Variants in FUS observed in about 807,000 individuals in gnomAD.
The protein encoded by FUS is RNA-binding protein FUS.
A neutral mutation model predicts 82.7 loss-of-function variants in FUS; 5 were observed. The ratio of observed to expected loss-of-function variants is 0.06; its 90% CI spans 0.03 to 0.13. The LOEUF (loss-of-function observed/expected upper bound fraction) is 0.13, where lower values mean the gene tolerates loss of function less well. FUS is among the 10% of genes least tolerant of loss of function. The probability of loss-of-function intolerance (pLI) is 1.00; values close to 1 mark genes in which losing one functional copy is unlikely to be tolerated. For synonymous variants in FUS, 281 were observed against 247.4 expected (o/e 1.14, Z -1.27); for missense variants, 512 against 707.8 (o/e 0.72, Z 3.14).
intron 6 of FUS, chr16:31,185,512 AG>A: frequency 1.7e-6 from 1 of 584,036 alleles, no homozygotes; most frequent in African/African-American, 1.8e-5. Context: ...TTTCTCTGCA[AG>A]GGAAACCGAT....
intron 5 of FUS, 36 bp from the exon 6 acceptor site, chr16:31,184,902 TG>T (rs767391517): frequency 1.3e-5 from 21 of 1,588,376 alleles, no homozygotes; most frequent in East Asian, 2.2e-5. Flanking sequence ...ACAATCTTTT[TG>T]TTTTTTTTTT....
intron 3 of FUS, chr16:31,183,538 C>T (rs992038186): frequency 2.6e-6 from 1 of 390,284 alleles, no homozygotes; most frequent in Non-Finnish European, 4.9e-6. Flanking sequence ...AGGTGGTTGT[C>T]CTGTAGATAC....
intron 5 of FUS, 59 bp downstream of exon 5, chr16:31,184,455 T>G (rs79454713): frequency 1.3e-5 from 17 of 1,260,484 alleles, no homozygotes; most frequent in Non-Finnish European, 1.9e-5. Context: ...TTTTTTTTTT[T>G]GAGACGGAGT....
At position 31,190,699 on chromosome 16, in the gene FUS, T is replaced by C. The variant is rs771723484; in HGVS notation, c.1293-43T>C. Reference sequence around the variant, plus strand: ...TTTCTTCCTAGTTCTAGGTCTTGCCTATTCCCCATCGCTCCAGACTGATTG... The same window carrying C: ...TTTCTTCCTAGTTCTAGGTCTTGCCCATTCCCCATCGCTCCAGACTGATTG... On this transcript the variant is annotated intron_variant, in intron 12 of 14. Transcript: ENST00000254108. The C allele has an allele frequency of 3.0e-5, 47 of 1,554,480 alleles. No homozygotes were observed. The East Asian group carries it at 9.9e-4, about 33-fold the overall frequency.
intron 3 of FUS, 85 bp from the exon 4 acceptor site, chr16:31,183,773 A>G (rs2079216208): frequency 1.4e-5 from 21 of 1,521,974 alleles, no homozygotes; most frequent in Non-Finnish European, 1.8e-5. Flanking sequence ...CTTTATGAGT[A>G]TAGGTATTAT....
chr16:31,180,266 G>A (rs1474000238), intron 1 of FUS, 39 bp downstream of exon 1: 1 of 1,594,104 alleles, frequency 6.3e-7, no homozygotes, highest in Non-Finnish European at 8.5e-7. Flanking sequence ...GGCGCACCCG[G>A]CCGAGGCCTC....
At position 31,189,188 on chromosome 16, in the gene FUS, T is replaced by G. The variant is rs1166014433; in HGVS notation, c.898T>G (p.Ser300Ala). ...QGLGENVTIESVADYFKQIGI... is the reference protein window; with the variant it reads ...QGLGENVTIEAVADYFKQIGI... ...CCTGGGTGAGAATGTTACAATTGAG[T>G]CTGTGGCTGATTACTTCAAGCAGAT... is the stretch of plus-strand genomic sequence containing the variant. The change falls in exon 9 of 15, where the codon TCT becomes GCT. Residue 300 changes from serine to alanine, a missense_variant. Ser to Ala is a moderately conservative substitution (Grantham distance 99). Around this residue, in one of 6 missense-constraint regions of FUS, gnomAD observed 26 missense variants for 109.3 expected, o/e 0.24. Transcript: ENST00000254108. 6.2e-7 allele frequency: 1 copy of G among 1,613,862 alleles called. No individual in the cohort carries two copies. Among genetic ancestry groups the G allele is most frequent in the Non-Finnish European group, 8.5e-7 (1 of 1,179,838 alleles).
chr16:31,182,473 C>CG (rs1339222185), intron 2 of FUS, 40 bp from the exon 3 acceptor site: 1 of 1,614,072 alleles, frequency 6.2e-7, no homozygotes, highest in Non-Finnish European at 8.5e-7. Context: ...AGGGTGGTCA[C>CG]GCCATGTTTT....
At chr16:31,185,858 C>T (rs184908271) in intron 6 of FUS, 162 of 265,702 alleles carry the variant, frequency 6.1e-4, no homozygotes, top group African/African-American at 2.9e-3. Flanking sequence ...TCTTTCCTTC[C>T]TGCTGAAGTT....
intron 8 of FUS, 124 bp downstream of exon 8, chr16:31,188,481 G>A: frequency 1.0e-6 from 1 of 1,004,326 alleles, no homozygotes; most frequent in Admixed American, 1.8e-5. Flanking sequence ...AAGGGAGTTA[G>A]GTGTGTCCTT....
chr16:31,189,805 G>T lies in FUS; in HGVS notation c.1066+11G>T, dbSNP rs2144132924. 1 of 1,614,056 alleles carries T rather than the reference G, an allele frequency of 6.2e-7. No individual in the cohort carries two copies. The highest frequency in any genetic ancestry group is 2.2e-5 in the East Asian group (1 of 44,884). ...TTGACTGGTTTGATGGTATGTATGAGAAGGCTGGCAGAGGTGGGGCTGGGG... is the reference window on the plus strand; with the variant it reads ...TTGACTGGTTTGATGGTATGTATGATAAGGCTGGCAGAGGTGGGGCTGGGG... On this transcript the variant is annotated intron_variant, in intron 10 of 14. Transcript: ENST00000254108.
chr16:31,186,242 C>T (rs901007791), intron 6 of FUS: 31 of 253,170 alleles, frequency 1.2e-4, no homozygotes, highest in Middle Eastern at 1.2e-3. Context: ...GGGGTGACCC[C>T]GGGGGTTGGG....
intron 7 of FUS, chr16:31,188,040 A>G (rs2079296114): frequency 1.9e-6 from 1 of 524,630 alleles, no homozygotes; most frequent in Non-Finnish European, 3.4e-6. Context: ...ACCTGTGCTG[A>G]GGACATTTCC....
chr16:31,181,859 A>G (rs906842053), intron 1 of FUS, among the ~76,000 whole-genome samples: 1 of 152,148 alleles, frequency 6.6e-6, no homozygotes, highest in African/African-American at 2.4e-5. Context: ...TCCAATGGTT[A>G]AGGCTTCTGG....
In FUS at chr16:31,185,339, A is replaced by G. The variant is rs1596898855; in HGVS notation, c.764+160A>G. ...GCAGTGACTTTCTTTTTACATCCCC[A>G]TTTTATTTTTGTGAGAACTTGGGAG... On this transcript the variant is annotated intron_variant, in intron 6 of 14. Transcript: ENST00000254108. 32 of 866,868 alleles carry G rather than the reference A, an allele frequency of 3.7e-5. No individual in the cohort carries two copies. In the East Asian group the frequency reaches 7.5e-4, roughly 20 times the overall value. The allele number at this position is 866,868 out of a possible 1,614,324, so 53.7% of individuals were successfully genotyped here.
rs1301675377 is a variant in FUS, at chr16:31,183,844, T to C, written c.191-14T>C. The C allele has an allele frequency of 6.2e-7, 1 of 1,614,096 alleles. No individual in the cohort carries two copies. Among genetic ancestry groups the C allele is most frequent in the Non-Finnish European group, 8.5e-7 (1 of 1,180,030 alleles). ...CTGGTGGCTTTTGTGACTCCCTTTT[T>C]CTTATCCTGGTAGCAGGCTATGGAA... is the stretch of plus-strand genomic sequence containing the variant. On this transcript the variant is annotated splice_polypyrimidine_tract_variant and intron_variant, in intron 3 of 14. Coordinates refer to ENST00000254108, the MANE Select transcript of FUS (RefSeq NM_004960.4).
At chr16:31,191,190 T>TTTCA (rs2079352347) in intron 14 of FUS, 80 bp downstream of exon 14, 2 of 1,575,898 alleles carry the variant, frequency 1.3e-6, no homozygotes, top group Non-Finnish European at 8.6e-7. Flanking sequence ...GAGAAAGTGG[T>TTTCA]TTCATTTTGA....
In FUS at chr16:31,182,621, C is replaced by T. The variant is rs741810; in HGVS notation, c.147C>T (p.Gly49=). The change falls in exon 3 of 15, where the codon GGC becomes GGT. Residue 49 remains glycine (G), a synonymous_variant. Transcript: ENST00000254108. ...SGYSQSTDTS[G]YGQSSYSSYG... ...ATAGCCAGTCCACGGACACTTCAGGCTATGGCCAGAGCAGCTATTCTTCTT... is the reference window on the plus strand; with the variant it reads ...ATAGCCAGTCCACGGACACTTCAGGTTATGGCCAGAGCAGCTATTCTTCTT... 6.2e-7 allele frequency: 1 copy of T among 1,614,090 alleles called. No homozygotes were observed. The highest frequency in any genetic ancestry group is 1.7e-5 in the Admixed American group (1 of 60,014).
intron 6 of FUS, 118 bp downstream of exon 6, chr16:31,185,297 AG>A (rs1309226000): frequency 3.0e-5 from 38 of 1,284,382 alleles, no homozygotes; most frequent in Non-Finnish European, 4.0e-5. Flanking sequence ...GGGATCTGTG[AG>A]GGCTTTGATT....
Sources: allele counts gnomAD v4.1 joint callset (sites outside exome capture counted in the v4.1 genomes callset), GRCh38; gene constraint gnomAD v4.1.1; regional missense constraint gnomAD v4.1.1; transcripts MANE v1.5; gene names NCBI Gene and HGNC (gene_info 2026-07-23, HGNC 2026-07-21).